Variants in CDK7 observed in about 807,000 individuals in gnomAD.
CDK7 encodes cyclin dependent kinase 7.
In CDK7, 25 loss-of-function variants were observed where a neutral mutation model predicts 49.1. The ratio of observed to expected loss-of-function variants is 0.51; its 90% CI spans 0.37 to 0.71. CDK7 has a LOEUF of 0.71. Among genes scored for constraint, CDK7 ranks in the 30% least tolerant of loss-of-function variants. CDK7 has a pLI of 0.00. For missense variants in CDK7, 316 were observed against 411.7 expected (o/e 0.77, Z 2.01); for synonymous variants, 107 against 140.0 (o/e 0.76, Z 1.67).
At chr5:69,269,135 T>A (rs1220865968) in intron 8 of CDK7, 72 bp from the exon 9 acceptor site, 1 of 927,672 alleles carries the variant, frequency 1.1e-6, no homozygotes, top group Non-Finnish European at 1.7e-6. Flanking sequence ...CGAGACTCTG[T>A]CTCTCTAAAA....
intron 2 of CDK7, among the ~76,000 whole-genome samples, chr5:69,243,139 T>C (rs931130321): frequency 6.6e-6 from 1 of 152,254 alleles, no homozygotes; most frequent in Non-Finnish European, 1.5e-5. Flanking sequence ...CTTTTTGGCA[T>C]GTTGATTGTT....
In CDK7 at chr5:69,235,402, C is replaced by G. The variant is rs763885287; in HGVS notation, c.75C>G (p.Thr25=). The change falls in exon 2 of 12, where the codon ACC becomes ACG. Residue 25 remains threonine, a synonymous_variant. Coordinates refer to ENST00000256443, the MANE Select transcript of CDK7 (RefSeq NM_001799.4). The part of the protein sequence containing the change: ...LDFLGEGQFA[T]VYKARDKNTN... ...TCTATTTTTCTTTCTAGTTTGCCACCGTTTACAAGGCCAGAGATAAGAACA... is the reference window on the plus strand; with the variant it reads ...TCTATTTTTCTTTCTAGTTTGCCACGGTTTACAAGGCCAGAGATAAGAACA... 3 of 1,599,018 alleles carry G rather than the reference C, an allele frequency of 1.9e-6. No homozygotes were observed. In the South Asian group the frequency reaches 3.3e-5, roughly 18 times the overall value.
At chr5:69,266,689 C>G (rs1751179146) in intron 8 of CDK7, among the ~76,000 whole-genome samples, 1 of 149,494 alleles carries the variant, frequency 6.7e-6, no homozygotes, top group South Asian at 2.1e-4. Flanking sequence ...GTGAGGACTT[C>G]AGCAGGGGTG....
intron 2 of CDK7, among the ~76,000 whole-genome samples, chr5:69,238,792 C>T (rs1403900713): frequency 6.6e-6 from 1 of 150,630 alleles, no homozygotes; most frequent in African/African-American, 2.4e-5. Context: ...CAACTGCTGA[C>T]CTCAACTGAT....
intron 2 of CDK7, among the ~76,000 whole-genome samples, chr5:69,237,390 T>G (rs912252478): frequency 1.3e-5 from 2 of 152,216 alleles, no homozygotes; most frequent in African/African-American, 4.8e-5. Flanking sequence ...GTCTGGCTTC[T>G]TGGTTGGTAT....
Position 69,236,477 on chromosome 5 carries a change from C to T in CDK7, c.126+1024C>T, listed in dbSNP as rs1364913634. On this transcript the variant is annotated intron_variant, in intron 2 of 11. Coordinates refer to ENST00000256443, the MANE Select transcript of CDK7 (RefSeq NM_001799.4). Reference sequence around the variant, plus strand: ...TTTTGTTACCGTTGCTACTTTGAATCTGCTTCTCCTGCTTCAAAAACCCTA... The same window carrying T: ...TTTTGTTACCGTTGCTACTTTGAATTTGCTTCTCCTGCTTCAAAAACCCTA... 2.0e-5 allele frequency among the ~76,000 whole-genome samples: 3 copies of T among 152,018 alleles called. No homozygotes were observed. In the East Asian group the frequency reaches 5.8e-4, roughly 29 times the overall value.
intron 9 of CDK7, among the ~76,000 whole-genome samples, chr5:69,272,650 A>G (rs60351121): frequency 0.038 from 5,708 of 152,084 alleles, 392 homozygotes; most frequent in African/African-American, 0.13. Context: ...GTGATTATAA[A>G]TAGTACTGTG....
chr5:69,252,702 T>A (rs1279432207), intron 3 of CDK7, among the ~76,000 whole-genome samples: 1 of 151,934 alleles, frequency 6.6e-6, no homozygotes, highest in Non-Finnish European at 1.5e-5. Flanking sequence ...AGAGATGAGG[T>A]CTGGCTGTGT....
chr5:69,241,099 A>G (rs1749340067), intron 2 of CDK7, among the ~76,000 whole-genome samples: 2 of 152,176 alleles, frequency 1.3e-5, no homozygotes, highest in East Asian at 1.9e-4. Flanking sequence ...GCATATATAC[A>G]TAGCAATGGA....
chr5:69,269,721 T>A (rs746459229), intron 9 of CDK7, among the ~76,000 whole-genome samples: 3 of 151,838 alleles, frequency 2.0e-5, no homozygotes, highest in Non-Finnish European at 4.4e-5. Flanking sequence ...TATATGTATA[T>A]ATGATGTTTC....
At chr5:69,239,491 A>G (rs1749226705) in intron 2 of CDK7, among the ~76,000 whole-genome samples, 2 of 151,946 alleles carry the variant, frequency 1.3e-5, no homozygotes, top group Non-Finnish European at 2.9e-5. Flanking sequence ...GTCTGGTATC[A>G]AACTCCTGGC....
chr5:69,275,567 C>G (rs1448290144), intron 10 of CDK7, among the ~76,000 whole-genome samples: 1 of 152,102 alleles, frequency 6.6e-6, no homozygotes, highest in East Asian at 1.9e-4. Context: ...AAATCCAAAG[C>G]TTTTTGAATG....
At position 69,277,364 on chromosome 5, in the gene CDK7, A is replaced by G. The variant is rs1752253759; in HGVS notation, c.*229A>G. On this transcript the variant is annotated 3_prime_UTR_variant, in exon 12 of 12. Coordinates refer to ENST00000256443, the MANE Select transcript of CDK7 (RefSeq NM_001799.4). ...GTGAGAAAAGTTCAATACTCTTGAA[A>G]TGTAGAATTGAAAATGCATTAGGGA... 2.5e-6 allele frequency: 1 copy of G among 393,070 alleles called. No individual in the cohort carries two copies. The allele number at this position is 393,070 out of a possible 1,614,324, so 24.3% of individuals were successfully genotyped here.
At chr5:69,270,555 A>G (rs1751461539) in intron 9 of CDK7, among the ~76,000 whole-genome samples, 1 of 152,202 alleles carries the variant, frequency 6.6e-6, no homozygotes, top group African/African-American at 2.4e-5. Context: ...AGGATGCTAC[A>G]GTCAAGATAC....
intron 8 of CDK7, among the ~76,000 whole-genome samples, chr5:69,266,943 G>C (rs1185755138): frequency 6.6e-6 from 1 of 152,146 alleles, no homozygotes; most frequent in African/African-American, 2.4e-5. Context: ...TCAAAAATGA[G>C]AGGGAGATGA....
chr5:69,258,350 T>C (rs1231444661), intron 6 of CDK7, among the ~76,000 whole-genome samples, 197 bp downstream of exon 6: 1 of 151,924 alleles, frequency 6.6e-6, no homozygotes, highest in South Asian at 2.1e-4. Flanking sequence ...TTGTGAAATT[T>C]AGAACTGGAA....
intron 10 of CDK7, among the ~76,000 whole-genome samples, chr5:69,273,480 C>G (rs112988930): frequency 0.024 from 3,711 of 152,220 alleles, 70 homozygotes; most frequent in Non-Finnish European, 0.04. Context: ...GGTATGCATG[C>G]TGATCATTCT....
chr5:69,240,336 A>G (rs1749282629), intron 2 of CDK7, among the ~76,000 whole-genome samples: 2 of 152,226 alleles, frequency 1.3e-5, no homozygotes, highest in Non-Finnish European at 2.9e-5. Flanking sequence ...TAGGAACTAG[A>G]TATTAGATGC....
rs1328159319 is a variant in CDK7 at position 69,235,456 on chromosome 5, GAGTTACC to G, written c.126+4_126+10del. The G allele has an allele frequency of 6.3e-7, 1 of 1,590,220 alleles. No individual in the cohort carries two copies. The highest frequency in any genetic ancestry group is 8.6e-7 in the Non-Finnish European group (1 of 1,158,782). On this transcript the variant is annotated splice_donor_5th_base_variant and intron_variant, in intron 2 of 11. Transcript: ENST00000256443. ...ACCAAATTGTCGCCATTAAGAAAGTGAGTTACCTTTTTATGTTGTTTTTAAGTCTCCT... is the reference window on the plus strand; with the variant it reads ...ACCAAATTGTCGCCATTAAGAAAGTGTTTTTATGTTGTTTTTAAGTCTCCT...
Sources: allele counts gnomAD v4.1 joint callset (sites outside exome capture counted in the v4.1 genomes callset), GRCh38; gene constraint gnomAD v4.1.1; transcripts MANE v1.5; gene names NCBI Gene and HGNC (gene_info 2026-07-23, HGNC 2026-07-21).